ACACA: variants seen among roughly 807,000 people sequenced by gnomAD.
The protein encoded by ACACA is acetyl-CoA carboxylase 1.
A neutral mutation model predicts 296.1 loss-of-function variants in ACACA; 103 were observed. That is an observed-to-expected ratio of 0.35 (90% confidence interval 0.30 to 0.41). The LOEUF (loss-of-function observed/expected upper bound fraction) is 0.41. Ranked by LOEUF, ACACA falls within the 10% of genes least tolerant of loss-of-function variation. The pLI is 1.00. For synonymous variants in ACACA, 953 were observed against 1,038.6 expected, an observed-to-expected ratio of 0.92 and a Z score of 1.58; for missense variants, 1,554 against 2,989.7, an observed-to-expected ratio of 0.52 and a Z score of 11.20.
intron 3 of ACACA, among the ~76,000 whole-genome samples, chr17:37,294,001 GC>G: frequency 6.6e-6 from 1 of 151,958 alleles, no homozygotes; most frequent in East Asian, 1.9e-4. Flanking sequence ...GTTTTTAATA[GC>G]CAGCGAACAT....
chr17:37,188,222 T>C (rs1363867664), intron 39 of ACACA, 55 bp downstream of exon 39: 14 of 1,538,522 alleles, frequency 9.1e-6, no homozygotes, highest in African/African-American at 1.4e-5. Context: ...CAAGGACGAG[T>C]GTCTTATCTG....
At chr17:37,103,769 G>T (rs1473300624) in intron 52 of ACACA, among the ~76,000 whole-genome samples, 1 of 151,926 alleles carries the variant, frequency 6.6e-6, no homozygotes, top group Non-Finnish European at 1.5e-5. Context: ...AAGTGTGGTA[G>T]CTCACACCTG....
At chr17:37,229,467 C>G (rs1373162983) in intron 25 of ACACA, among the ~76,000 whole-genome samples, 1 of 151,584 alleles carries the variant, frequency 6.6e-6, no homozygotes, top group African/African-American at 2.4e-5. Flanking sequence ...CCATGCCCGG[C>G]TAATTTTTTG....
chr17:37,304,305 C>T lies in ACACA; in HGVS notation c.339-19335G>A, dbSNP rs536271168. On this transcript the variant is annotated intron_variant, in intron 3 of 55. Coordinates refer to ENST00000616317, the MANE Select transcript of ACACA (RefSeq NM_198834.3). Reference sequence around the variant, plus strand: ...TCAAGCGATCCTCCTGCCTCAGCCTCCCAAGTAGCTGGGACCACAGACATA... The same window carrying T: ...TCAAGCGATCCTCCTGCCTCAGCCTTCCAAGTAGCTGGGACCACAGACATA... Among the ~76,000 whole-genome samples the T allele has an allele frequency of 1.2e-4, 19 of 152,174 alleles. No individual in the cohort carries two copies. In the East Asian group the frequency reaches 3.7e-3, roughly 29 times the overall value.
At chr17:37,180,005 G>GATTTCC (rs1180310957) in intron 40 of ACACA, among the ~76,000 whole-genome samples, 5 of 152,262 alleles carry the variant, frequency 3.3e-5, no homozygotes, top group African/African-American at 7.2e-5. Flanking sequence ...AAAATATTAT[G>GATTTCC]ATTTCCATTT....
At chr17:37,392,178 G>T in intron 1 of ACACA, 1 of 164,760 alleles carries the variant, frequency 6.1e-6, no homozygotes, top group Non-Finnish European at 1.3e-5. Flanking sequence ...ACGTTTATAA[G>T]GTTTTGTAAT....
chr17:37,242,799 G>A (rs565718124), intron 22 of ACACA, among the ~76,000 whole-genome samples: 15 of 152,124 alleles, frequency 9.9e-5, no homozygotes, highest in Non-Finnish European at 1.8e-4. Context: ...AGCACTTTGG[G>A]AGGCCGAGGT....
intron 9 of ACACA, among the ~76,000 whole-genome samples, chr17:37,273,928 G>T (rs71375436): frequency 6.6e-6 from 1 of 152,160 alleles, no homozygotes; most frequent in Admixed American, 6.5e-5. Flanking sequence ...CCTAAGAAAT[G>T]TTCTGTCCAG....
intron 3 of ACACA, among the ~76,000 whole-genome samples, chr17:37,315,116 G>C (rs899884707): frequency 6.6e-6 from 1 of 151,770 alleles, no homozygotes; most frequent in Non-Finnish European, 1.5e-5. Flanking sequence ...GTGCCACCAC[G>C]CCCAACTAAT....
chr17:37,160,462 T>C (rs981495716), intron 42 of ACACA, among the ~76,000 whole-genome samples: 1 of 152,162 alleles, frequency 6.6e-6, no homozygotes, highest in African/African-American at 2.4e-5. Flanking sequence ...GGTCTGATGA[T>C]ATCAGCTAAG....
intron 45 of ACACA, among the ~76,000 whole-genome samples, chr17:37,139,662 CAGG>C (rs2075480576): frequency 6.6e-6 from 1 of 152,198 alleles, no homozygotes; most frequent in Admixed American, 6.5e-5. Flanking sequence ...GAGGAGAAAG[CAGG>C]AGATAATCGG....
At chr17:37,169,813 C>A (rs1328525995) in intron 41 of ACACA, among the ~76,000 whole-genome samples, 1 of 152,172 alleles carries the variant, frequency 6.6e-6, no homozygotes, top group East Asian at 1.9e-4. Context: ...ACATTTTTAT[C>A]CAGGTGAAAC....
chr17:37,126,893 C>G (rs2074815260), intron 47 of ACACA, among the ~76,000 whole-genome samples: 1 of 152,218 alleles, frequency 6.6e-6, no homozygotes, highest in African/African-American at 2.4e-5. Context: ...TATCACAGCA[C>G]TATCTCCTCT....
At chr17:37,284,734 C>T in intron 4 of ACACA, 104 bp downstream of exon 4, 1 of 1,510,532 alleles carries the variant, frequency 6.6e-7, no homozygotes, top group Non-Finnish European at 9.2e-7. Flanking sequence ...GGCAAAGCCT[C>T]TGAGAAACTA....
In ACACA at chr17:37,293,478, C is replaced by T. The variant is rs965255579; in HGVS notation, c.339-8508G>A. Among the ~76,000 whole-genome samples, 4 of 150,862 alleles carry T rather than the reference C, an allele frequency of 2.7e-5. No individual in the cohort carries two copies. The South Asian group carries it at 8.3e-4, about 31-fold the overall frequency. ...TGTAGAAACATATTTCCCCATGTCA[C>T]AACCTTTTCTTAATTGGAACTGACC... On this transcript the variant is annotated intron_variant, in intron 3 of 55. Transcript: ENST00000616317.
At chr17:37,186,512 A>AG (rs1175043534) in intron 39 of ACACA, among the ~76,000 whole-genome samples, 1 of 152,238 alleles carries the variant, frequency 6.6e-6, no homozygotes, top group African/African-American at 2.4e-5. Context: ...CATTAAAGAA[A>AG]GGGAAAAACA....
At chr17:37,133,336 A>C (rs759621730) in intron 45 of ACACA, among the ~76,000 whole-genome samples, 61 of 152,348 alleles carry the variant, frequency 4.0e-4, no homozygotes, top group Middle Eastern at 3.4e-3. Flanking sequence ...CAGTAGAATG[A>C]GGGCGCACAC....
At chr17:37,321,472 G>C (rs951143463) in intron 3 of ACACA, among the ~76,000 whole-genome samples, 1 of 152,120 alleles carries the variant, frequency 6.6e-6, no homozygotes, top group Non-Finnish European at 1.5e-5. Flanking sequence ...AAACGTGGCC[G>C]GGTGCGGTGG....
At position 37,124,767 on chromosome 17, in the gene ACACA, C is replaced by T. The variant is rs191478435; in HGVS notation, c.6041+931G>A. On this transcript the variant is annotated intron_variant, in intron 48 of 55. Coordinates refer to ENST00000616317, the MANE Select transcript of ACACA (RefSeq NM_198834.3). ...CCTATTCAGAGTCACAGAGGAAGAC[C>T]CTGTCTGTGGGATTTGCCCTCTGAT... is the stretch of plus-strand genomic sequence containing the variant. 6.6e-5 allele frequency among the ~76,000 whole-genome samples: 10 copies of T among 152,254 alleles called. No homozygotes were observed. In the East Asian group the frequency reaches 1.2e-3, roughly 18 times the overall value.
Sources: gnomAD v4.1 joint callset for allele counts (sites outside exome capture counted in the v4.1 genomes callset) on GRCh38, gnomAD v4.1.1 for gene constraint, MANE v1.5 for transcripts, NCBI Gene and HGNC (gene_info 2026-07-23, HGNC 2026-07-21) for gene names.